The following EPB41L4A variants were observed in gnomAD, a reference collection of about 807,000 sequenced individuals.
The protein encoded by EPB41L4A is erythrocyte membrane protein band 4.1 like 4A.
A neutral mutation model predicts 108.6 loss-of-function variants in EPB41L4A; 100 were observed. The observed-to-expected ratio is 0.92, with a 90% CI of 0.78 to 1.09. The LOEUF is 1.09. EPB41L4A is among the 50% of genes least tolerant of loss of function. The pLI, the probability that EPB41L4A is intolerant of heterozygous loss-of-function variation, is 0.00. For missense variants in EPB41L4A, 1,030 were observed against 842.7 expected, an observed-to-expected ratio of 1.22 and a Z score of -2.75; for synonymous variants, 319 against 289.0, an observed-to-expected ratio of 1.10 and a Z score of -1.05.
intron 1 of EPB41L4A, among the ~76,000 whole-genome samples, chr5:112,347,736 T>C (rs567683358): frequency 9.2e-5 from 14 of 152,228 alleles, no homozygotes; most frequent in Non-Finnish European, 1.9e-4. Context: ...AGTGGAAAAT[T>C]AGAGAAAAGT....
chr5:112,226,728 A>G (rs1748481313), intron 12 of EPB41L4A, among the ~76,000 whole-genome samples: 3 of 152,092 alleles, frequency 2.0e-5, no homozygotes. Flanking sequence ...AATGGCTTGA[A>G]CAAATACTAG....
chr5:112,293,563 A>G (rs145733667), intron 2 of EPB41L4A, among the ~76,000 whole-genome samples: 1 of 152,346 alleles, frequency 6.6e-6, no homozygotes, highest in East Asian at 1.9e-4. Flanking sequence ...GGAAAAAAGA[A>G]CTAAAGTTCA....
chr5:112,398,549 C>A (rs973385639), intron 1 of EPB41L4A, among the ~76,000 whole-genome samples: 1 of 152,034 alleles, frequency 6.6e-6, no homozygotes, highest in Non-Finnish European at 1.5e-5. Flanking sequence ...CCACCACACC[C>A]GCTAATTTTT....
chr5:112,419,921 G>T (rs1443891085), upstream of EPB41L4A: 5 of 456,336 alleles, frequency 1.1e-5, no homozygotes, highest in Non-Finnish European at 2.2e-5. Flanking sequence ...CAGCAAAGCG[G>T]GGAGGCGGGG....
intron 18 of EPB41L4A, among the ~76,000 whole-genome samples, chr5:112,180,399 C>T (rs1424074010): frequency 1.3e-5 from 2 of 151,914 alleles, no homozygotes; most frequent in African/African-American, 4.8e-5. Context: ...ATCAATGAAA[C>T]AAAATTGGCC....
intron 1 of EPB41L4A, among the ~76,000 whole-genome samples, chr5:112,346,216 A>T (rs866542214): frequency 0.015 from 1,026 of 67,304 alleles, 23 homozygotes; most frequent in African/African-American, 0.02. Context: ...GGTACATTGC[A>T]TTTTTTTTTT....
At chr5:112,385,507 CAAAAAAAAAAA>C (rs201988960) in intron 1 of EPB41L4A, among the ~76,000 whole-genome samples, 1 of 75,552 alleles carries the variant, frequency 1.3e-5, no homozygotes, top group African/African-American at 3.7e-5. Context: ...TGGTTATTTT[CAAAAAAAAAAA>C]AAAAAAAAAG....
chr5:112,169,033 C>G lies in EPB41L4A; in HGVS notation c.1812G>C (p.Gln604His). The G allele has an allele frequency of 6.2e-7, 1 of 1,614,090 alleles. No individual in the cohort carries two copies. Among genetic ancestry groups the G allele is most frequent in the Non-Finnish European group, 8.5e-7 (1 of 1,179,948 alleles). ...PRSYRQYRRSQCSDGERSVLS... is the reference protein window; with the variant it reads ...PRSYRQYRRSHCSDGERSVLS... ...GAACTGATCGCTCCCCATCTGAACA[C>G]TGGGACCTGCGATACTGGCGGTAAC... is the stretch of plus-strand genomic sequence containing the variant. Residue 604 changes from glutamine to histidine, a missense_variant, in exon 21 of 23, where the codon CAG (glutamine) becomes CAC (histidine). Physicochemically the swap from Gln to His is conservative, Grantham distance 24. Transcript: ENST00000261486.
chr5:112,302,600 G>C (rs1009047357), intron 2 of EPB41L4A, among the ~76,000 whole-genome samples: 9 of 152,102 alleles, frequency 5.9e-5, no homozygotes, highest in African/African-American at 1.7e-4. Context: ...TATAAACAGA[G>C]GAACTGAAGT....
chr5:112,220,412 G>A lies in EPB41L4A; in HGVS notation c.1088-10430C>T, dbSNP rs1402841839. Among the ~76,000 whole-genome samples, 5 of 152,252 alleles carry A rather than the reference G, an allele frequency of 3.3e-5. No homozygotes were observed. In the East Asian group the frequency reaches 9.7e-4, roughly 29 times the overall value. On this transcript the variant is annotated intron_variant, in intron 12 of 22. Coordinates refer to ENST00000261486, the MANE Select transcript of EPB41L4A (RefSeq NM_022140.5). ...CAATACCAACCCCAAGAGGTTCAAA[G>A]CTTATGGACAAAGCAGTCTAACAGA...
At chr5:112,212,773 A>G (rs1208282459) in intron 12 of EPB41L4A, among the ~76,000 whole-genome samples, 1 of 152,134 alleles carries the variant, frequency 6.6e-6, no homozygotes, top group Admixed American at 6.5e-5. Context: ...CAATAACACC[A>G]ACTGAAAAAA....
chr5:112,259,245 C>CT lies in EPB41L4A; in HGVS notation c.778dup (p.Arg260LysfsTer8). ...GAAACTTACATCTTTTCCCAGTACT[C>CT]TGAGTTCAAATTGAGTCTCCTTGAA... On this transcript the variant is annotated frameshift_variant, in exon 9 of 23. Coordinates refer to ENST00000261486, the MANE Select transcript of EPB41L4A (RefSeq NM_022140.5). LOFTEE classifies it high-confidence loss of function. The CT allele has an allele frequency of 1.2e-6, 2 of 1,613,862 alleles. No individual in the cohort carries two copies. The highest frequency in any genetic ancestry group is 1.7e-6 in the Non-Finnish European group (2 of 1,179,746).
At chr5:112,285,324 A>G (rs1002172612) in intron 2 of EPB41L4A, among the ~76,000 whole-genome samples, 1 of 152,224 alleles carries the variant, frequency 6.6e-6, no homozygotes, top group African/African-American at 2.4e-5. Flanking sequence ...TTGACAACAG[A>G]GCCACAAAGA....
intron 20 of EPB41L4A, 114 bp downstream of exon 20, chr5:112,170,187 G>C: frequency 2.0e-6 from 2 of 1,019,578 alleles, no homozygotes; most frequent in African/African-American, 1.7e-5. Context: ...ACCTAGTTTT[G>C]TTTAAAATGT....
chr5:112,152,888 TTG>T (rs1759520448), intron 12 of EPB41L4A, among the ~76,000 whole-genome samples: 1 of 152,190 alleles, frequency 6.6e-6, no homozygotes, highest in Non-Finnish European at 1.5e-5. Context: ...GATATATCAA[TTG>T]TATGAATATG....
chr5:112,234,247 A>AC (rs1749170298), intron 12 of EPB41L4A, among the ~76,000 whole-genome samples: 1 of 151,268 alleles, frequency 6.6e-6, no homozygotes, highest in Non-Finnish European at 1.5e-5. Flanking sequence ...TAAAATAACC[A>AC]GGCATGGTAG....
In EPB41L4A at chr5:112,164,949, C is replaced by G; in HGVS notation, c.*41G>C. 1 of 1,542,180 alleles carries G rather than the reference C, an allele frequency of 6.5e-7. No individual in the cohort carries two copies. The highest frequency in any genetic ancestry group is 1.4e-5 in the African/African-American group (1 of 71,130). ...CACAGTTTCAAAAGTACCAGTGGCG[C>G]ACACAACCTTCCCACCCCTACCCTT... On this transcript the variant is annotated 3_prime_UTR_variant, in exon 23 of 23. Coordinates refer to ENST00000261486, the MANE Select transcript of EPB41L4A (RefSeq NM_022140.5).
chr5:112,204,780 C>T (rs1292659095), intron 14 of EPB41L4A: 3 of 260,790 alleles, frequency 1.2e-5, no homozygotes, highest in African/African-American at 6.4e-5. Flanking sequence ...ATGAATTTAG[C>T]CCTTTCTAAA....
chr5:112,217,951 A>G (rs1580455185), intron 12 of EPB41L4A, among the ~76,000 whole-genome samples: 2 of 152,176 alleles, frequency 1.3e-5, no homozygotes, highest in South Asian at 4.1e-4. Flanking sequence ...TCCCAGACCC[A>G]GTACTCTCCT....
Sources: gnomAD v4.1 joint callset for allele counts (sites outside exome capture counted in the v4.1 genomes callset) on GRCh38, gnomAD v4.1.1 for gene constraint, MANE v1.5 for transcripts, NCBI Gene and HGNC (gene_info 2026-07-23, HGNC 2026-07-21) for gene names.